Variants in GREB1L observed in about 807,000 individuals in gnomAD.
GREB1L encodes GREB1 like retinoic acid receptor coactivator, also known as GREB1-like protein.
In GREB1L, 17 loss-of-function variants were observed where a neutral mutation model predicts 200.8. That is an observed-to-expected ratio of 0.08 (90% CI 0.06 to 0.13). The LOEUF (loss-of-function observed/expected upper bound fraction) is 0.13, where lower values mean the gene tolerates loss of function less well. GREB1L is among the 10% of genes least tolerant of loss of function. The pLI is 1.00. For synonymous variants in GREB1L, 789 were observed against 893.0 expected (o/e 0.88, Z 2.08); for missense variants, 1,657 against 2,367.7 (o/e 0.70, Z 6.23).
intron 15 of GREB1L, among the ~76,000 whole-genome samples, chr18:21,463,496 A>G (rs981142225): frequency 6.6e-6 from 1 of 152,152 alleles, no homozygotes; most frequent in African/African-American, 2.4e-5. Flanking sequence ...GGAACTTCAA[A>G]TGTGAAATGG....
At chr18:21,350,121 G>C (rs1164813566) in intron 1 of GREB1L, among the ~76,000 whole-genome samples, 1 of 152,052 alleles carries the variant, frequency 6.6e-6, no homozygotes, top group Non-Finnish European at 1.5e-5. Flanking sequence ...GACTCTCTTT[G>C]AGATTAGGGA....
intron 15 of GREB1L, among the ~76,000 whole-genome samples, chr18:21,472,185 G>A (rs1039179901): frequency 6.6e-6 from 1 of 152,120 alleles, no homozygotes; most frequent in Non-Finnish European, 1.5e-5. Flanking sequence ...GATGCTAATT[G>A]CATGTAATTG....
chr18:21,273,572 A>G (rs1175293236), intron 1 of GREB1L, among the ~76,000 whole-genome samples: 1 of 152,228 alleles, frequency 6.6e-6, no homozygotes, highest in Non-Finnish European at 1.5e-5. Flanking sequence ...GTAATTATAT[A>G]ATTAAATGAT....
At chr18:21,457,710 T>C (rs1010484965) in intron 15 of GREB1L, among the ~76,000 whole-genome samples, 2 of 152,202 alleles carry the variant, frequency 1.3e-5, no homozygotes, top group Non-Finnish European at 2.9e-5. Context: ...TTAAATACCT[T>C]CATATTCTTG....
chr18:21,250,317 G>C (rs80335068), intron 1 of GREB1L, among the ~76,000 whole-genome samples: 2,137 of 152,238 alleles, frequency 0.014, 56 homozygotes, highest in African/African-American at 0.049. Flanking sequence ...TCTTTAGCGT[G>C]ATCTGTCAAT....
At chr18:21,392,090 G>A (rs746643910) in intron 4 of GREB1L, among the ~76,000 whole-genome samples, 6 of 152,222 alleles carry the variant, frequency 3.9e-5, no homozygotes, top group Admixed American at 1.3e-4. Flanking sequence ...GATTACAGGC[G>A]TGAGCCATTG....
At chr18:21,269,412 C>G (rs1027180035) in intron 1 of GREB1L, among the ~76,000 whole-genome samples, 1 of 152,090 alleles carries the variant, frequency 6.6e-6, no homozygotes, top group Non-Finnish European at 1.5e-5. Context: ...TCTGGGAATT[C>G]TTTATGTATC....
intron 1 of GREB1L, among the ~76,000 whole-genome samples, chr18:21,294,465 A>C (rs1899586634): frequency 6.6e-6 from 1 of 152,092 alleles, no homozygotes; most frequent in South Asian, 2.1e-4. Flanking sequence ...TAATAATAAT[A>C]ATACAAAGGG....
chr18:21,463,836 A>T (rs1821859740), intron 15 of GREB1L, among the ~76,000 whole-genome samples: 1 of 152,194 alleles, frequency 6.6e-6, no homozygotes, highest in Admixed American at 6.5e-5. Flanking sequence ...TGGGCTTGTA[A>T]CACCATTCCC....
At chr18:21,302,035 C>A (rs1220516171) in intron 1 of GREB1L, among the ~76,000 whole-genome samples, 1 of 152,174 alleles carries the variant, frequency 6.6e-6, no homozygotes, top group Non-Finnish European at 1.5e-5. Flanking sequence ...CAGCATTTAC[C>A]ACATTTTAAC....
intron 7 of GREB1L, among the ~76,000 whole-genome samples, chr18:21,404,799 G>A (rs2029976168): frequency 6.6e-6 from 1 of 152,176 alleles, no homozygotes; most frequent in Non-Finnish European, 1.5e-5. Flanking sequence ...AAAAGACTTT[G>A]TGAATTTGTT....
At chr18:21,250,266 A>C (rs980428526) in intron 1 of GREB1L, among the ~76,000 whole-genome samples, 9 of 152,186 alleles carry the variant, frequency 5.9e-5, no homozygotes, top group African/African-American at 2.2e-4. Context: ...TTCTTTGGTT[A>C]ATCAGTTTGT....
chr18:21,466,702 G>T (rs1209864182), intron 15 of GREB1L, among the ~76,000 whole-genome samples: 3 of 152,112 alleles, frequency 2.0e-5, no homozygotes, highest in African/African-American at 7.2e-5. Flanking sequence ...CAGATTCAAT[G>T]CATCCCCTAC....
intron 7 of GREB1L, among the ~76,000 whole-genome samples, chr18:21,426,958 C>CAAA (rs568993346): frequency 1.6e-4 from 11 of 68,418 alleles, no homozygotes; most frequent in African/African-American, 3.8e-4. Context: ...GACTACGTCT[C>CAAA]AAAAAAAAAA....
chr18:21,267,118 G>GAGAC (rs1303617765), intron 1 of GREB1L, among the ~76,000 whole-genome samples: 4 of 151,376 alleles, frequency 2.6e-5, no homozygotes, highest in Non-Finnish European at 5.9e-5. Context: ...ATGTTTAGTA[G>GAGAC]AGACAGGGTT....
intron 7 of GREB1L, among the ~76,000 whole-genome samples, chr18:21,404,201 G>A (rs1474216251): frequency 6.6e-6 from 1 of 152,198 alleles, no homozygotes; most frequent in Non-Finnish European, 1.5e-5. Flanking sequence ...CTGACAGCTG[G>A]TAGGAAATTT....
At chr18:21,493,893 A>AAAAAAAAAT in intron 19 of GREB1L, among the ~76,000 whole-genome samples, 1 of 146,736 alleles carries the variant, frequency 6.8e-6, no homozygotes, top group Non-Finnish European at 1.5e-5. Context: ...AAAAAAAAAA[A>AAAAAAAAAT]GTCCTCATAC....
At chr18:21,335,443 G>A (rs752674959) in intron 1 of GREB1L, among the ~76,000 whole-genome samples, 1 of 152,140 alleles carries the variant, frequency 6.6e-6, no homozygotes. Flanking sequence ...CAAATGGTTT[G>A]TAAGACAAAA....
intron 1 of GREB1L, among the ~76,000 whole-genome samples, chr18:21,305,084 T>A (rs1323273519): frequency 6.6e-6 from 1 of 152,084 alleles, no homozygotes; most frequent in East Asian, 1.9e-4. Flanking sequence ...CAAGCGATTC[T>A]CCTGCCTCAG....
Sources: allele counts gnomAD v4.1 joint callset (sites outside exome capture counted in the v4.1 genomes callset), GRCh38; gene constraint gnomAD v4.1.1; transcripts MANE v1.5; gene names NCBI Gene and HGNC (gene_info 2026-07-23, HGNC 2026-07-21).